Variants in ABL1 observed in about 807,000 individuals in gnomAD.
ABL1 encodes ABL proto-oncogene 1, non-receptor tyrosine kinase.
In ABL1, 11 loss-of-function variants were observed where a neutral mutation model predicts 94.7. The observed-to-expected ratio is 0.12, with a 90% CI of 0.07 to 0.19. The LOEUF (loss-of-function observed/expected upper bound fraction) is 0.19. Ranked by LOEUF, ABL1 falls within the 10% of genes least tolerant of loss-of-function variation. The pLI is 1.00. For missense variants in ABL1, 1,082 were observed against 1,489.4 expected (o/e 0.73, Z 4.50); for synonymous variants, 656 against 622.4 (o/e 1.05, Z -0.80).
At chr9:130,840,708 T>C (rs984428067) in intron 1 of ABL1, among the ~76,000 whole-genome samples, 2 of 152,084 alleles carry the variant, frequency 1.3e-5, no homozygotes, top group African/African-American at 4.8e-5. Flanking sequence ...AAAATAGAGA[T>C]GGGTCTCACT....
chr9:130,885,974 TCCCA>T lies in ABL1; in HGVS notation c.*294_*297del. 1 of 439,120 alleles carries T rather than the reference TCCCA, an allele frequency of 2.3e-6. No individual in the cohort carries two copies. The highest frequency in any genetic ancestry group is 4.1e-6 in the Non-Finnish European group (1 of 244,472). The allele number at this position is 439,120 out of a possible 1,614,324, so 27.2% of individuals were successfully genotyped here. ...GCATGCCAGGACCCGCCAGCCCCGC[TCCCA>T]CCTAGTGCCCCAGACTGAGCTCTCC... is the stretch of plus-strand genomic sequence containing the variant. On this transcript the variant is annotated 3_prime_UTR_variant, in exon 11 of 11. Transcript: ENST00000318560.
At chr9:130,724,894 C>G (rs1831560919) in intron 1 of ABL1, 6 of 409,014 alleles carry the variant, frequency 1.5e-5, no homozygotes, top group South Asian at 1.1e-4. Flanking sequence ...AGTCTTTTAG[C>G]CTTGGCACAC....
chr9:130,844,851 G>A (rs1449342994), intron 1 of ABL1, among the ~76,000 whole-genome samples: 1 of 152,162 alleles, frequency 6.6e-6, no homozygotes, highest in Non-Finnish European at 1.5e-5. Context: ...GACAGTCACA[G>A]GCACTGTACT....
At chr9:130,825,013 T>C (rs1259359445) in intron 1 of ABL1, among the ~76,000 whole-genome samples, 1 of 152,196 alleles carries the variant, frequency 6.6e-6, no homozygotes, top group Non-Finnish European at 1.5e-5. Flanking sequence ...ACTGAATGGT[T>C]TGAAGAAATA....
At chr9:130,760,025 T>G (rs1832091500) in intron 1 of ABL1, among the ~76,000 whole-genome samples, 1 of 144,054 alleles carries the variant, frequency 6.9e-6, no homozygotes, top group Admixed American at 7.3e-5. Context: ...CAGGCTGGCC[T>G]CTAACTCCTG....
At chr9:130,828,746 C>T (rs1349827445) in intron 1 of ABL1, among the ~76,000 whole-genome samples, 1 of 152,028 alleles carries the variant, frequency 6.6e-6, no homozygotes, top group African/African-American at 2.4e-5. Context: ...AACTCAATCC[C>T]AGGGCTTTAA....
rs961914339 is a variant in ABL1 at position 130,843,575 on chromosome 9, G to A, written c.79+8050G>A. Among the ~76,000 whole-genome samples, 5 of 152,112 alleles carry A rather than the reference G, an allele frequency of 3.3e-5. No homozygotes were observed. The South Asian group carries it at 1.0e-3, about 32-fold the overall frequency. The stretch of plus-strand genomic sequence containing the variant: ...GACATGTGAACAGATTGCTTACTGG[G>A]TGATAGATGCAGGGTGGTGATAGAG... On this transcript the variant is annotated intron_variant, in intron 1 of 10. Coordinates refer to ENST00000318560, the MANE Select transcript of ABL1 (RefSeq NM_005157.6).
chr9:130,814,843 C>A lies in ABL1; in HGVS notation c.137-39221C>A, dbSNP rs966546212. 3.3e-5 allele frequency among the ~76,000 whole-genome samples: 5 copies of A among 151,884 alleles called. No individual in the cohort carries two copies. The South Asian group carries it at 8.3e-4, about 25-fold the overall frequency. On this transcript the variant is annotated intron_variant, in intron 1 of 10. Coordinates refer to the ABL1 transcript ENST00000372348. This position sits in a 1 kb window ranked among gnomAD's most constrained non-coding sequence, Gnocchi z 4.4. ...AGTGAGCCGAGATTGCACCACTGCA[C>A]TCCAGCCTGGGTGACAGAGCCAGAC...
chr9:130,836,096 A>G (rs1830578235), intron 1 of ABL1, among the ~76,000 whole-genome samples: 1 of 152,228 alleles, frequency 6.6e-6, no homozygotes, highest in Admixed American at 6.5e-5. Context: ...TGATCTTTCC[A>G]TCTCCCCCAC....
At chr9:130,883,153 C>T (rs929595262) in intron 10 of ABL1, among the ~76,000 whole-genome samples, 6 of 152,108 alleles carry the variant, frequency 3.9e-5, no homozygotes, top group Admixed American at 1.3e-4. Context: ...AGGTGAAGCA[C>T]GTGTCACGCT....
In ABL1 at chr9:130,829,879, TA is replaced by T. The variant is rs1193664253; in HGVS notation, c.137-24183del. Among the ~76,000 whole-genome samples the T allele has an allele frequency of 3.9e-5, 6 of 152,200 alleles. No individual in the cohort carries two copies. The East Asian group carries it at 1.2e-3, about 29-fold the overall frequency. On this transcript the variant is annotated intron_variant, in intron 1 of 10. Coordinates refer to the ABL1 transcript ENST00000372348. The stretch of plus-strand genomic sequence containing the variant: ...TGGGGGGTTATGGATGGTGATAGTA[TA>T]ATACTGCTGTCATAAGTTAATAGAT...
chr9:130,844,947 C>G (rs912068160), intron 1 of ABL1, among the ~76,000 whole-genome samples: 2 of 152,144 alleles, frequency 1.3e-5, no homozygotes, highest in African/African-American at 2.4e-5. Flanking sequence ...TTTAATTTTT[C>G]CCATCAGAGG....
intron 1 of ABL1, among the ~76,000 whole-genome samples, chr9:130,808,454 G>C (rs1282414863): frequency 1.3e-5 from 2 of 152,010 alleles, no homozygotes; most frequent in African/African-American, 2.4e-5. Flanking sequence ...GTGTTGGCCA[G>C]GCTGGTCTCG....
intron 1 of ABL1, among the ~76,000 whole-genome samples, chr9:130,817,980 G>T (rs936296164): frequency 6.6e-6 from 1 of 152,138 alleles, no homozygotes; most frequent in Non-Finnish European, 1.5e-5. Flanking sequence ...TTGCTAGGTC[G>T]TAGGATAAGT....
intron 4 of ABL1, among the ~76,000 whole-genome samples, chr9:130,865,519 G>A (rs1042613751): frequency 6.6e-6 from 1 of 152,192 alleles, no homozygotes; most frequent in African/African-American, 2.4e-5. Context: ...GGCCAAGGCT[G>A]GTGGATTGCT....
chr9:130,805,800 G>A (rs1830117091), intron 1 of ABL1, among the ~76,000 whole-genome samples: 1 of 152,198 alleles, frequency 6.6e-6, no homozygotes, highest in South Asian at 2.1e-4. Context: ...CTCTTATTAA[G>A]TAGGGGGATG....
At position 130,887,331 on chromosome 9, in the gene ABL1, G is replaced by A. The variant is rs557734548; in HGVS notation, c.*1648G>A. ...TGCCCCCGACGGCTGTGACGCAGCCGGAGGGAGGCACTAGTCACCGACAGC... is the reference window on the plus strand; with the variant it reads ...TGCCCCCGACGGCTGTGACGCAGCCAGAGGGAGGCACTAGTCACCGACAGC... On this transcript the variant is annotated 3_prime_UTR_variant, in exon 11 of 11. Coordinates refer to ENST00000318560, the MANE Select transcript of ABL1 (RefSeq NM_005157.6). The A allele has an allele frequency of 4.1e-4, 95 of 233,294 alleles. No individual in the cohort carries two copies. Among genetic ancestry groups the A allele is most frequent in the Non-Finnish European group, 6.7e-4 (79 of 118,032 alleles). The allele number at this position is 233,294 out of a possible 1,614,324, so 14.5% of individuals were successfully genotyped here. A position where few individuals can be genotyped will look rare whatever the true frequency, so the allele number is the denominator to read the frequency against.
At chr9:130,771,757 T>TTCTTTCTTTCTTTC (rs1564285977) in intron 1 of ABL1, among the ~76,000 whole-genome samples, 14 of 143,680 alleles carry the variant, frequency 9.7e-5, no homozygotes, top group East Asian at 2.0e-4. Context: ...TCTTTCTTTT[T>TTCTTTCTTTCTTTC]TTTTTTTTTT....
intron 1 of ABL1, among the ~76,000 whole-genome samples, chr9:130,785,928 T>TAAAAA (rs34333699): frequency 3.5e-5 from 2 of 56,656 alleles, no homozygotes; most frequent in African/African-American, 6.0e-5. Flanking sequence ...GTCTCAAAAC[T>TAAAAA]AAAAAAAAAA....
Sources: allele counts gnomAD v4.1 joint callset (sites outside exome capture counted in the v4.1 genomes callset), GRCh38; gene constraint gnomAD v4.1.1; non-coding constraint Gnocchi (gnomAD v3.1); transcripts MANE v1.5; gene names NCBI Gene and HGNC (gene_info 2026-07-23, HGNC 2026-07-21).